CCDC66: variants seen among roughly 807,000 people sequenced by gnomAD.
The protein encoded by CCDC66 is coiled-coil domain-containing protein 66.
CCDC66 carries 133 observed loss-of-function variants against 128.3 expected under a neutral mutation model. That is an observed-to-expected ratio of 1.04 (90% CI 0.90 to 1.20). The LOEUF is 1.20. CCDC66 is among the 50% of genes most tolerant of loss of function. The pLI is 0.00. For synonymous variants in CCDC66, 387 were observed against 357.0 expected, an observed-to-expected ratio of 1.08 and a Z score of -0.95; for missense variants, 1,126 against 1,075.5, an observed-to-expected ratio of 1.05 and a Z score of -0.66.
At chr3:56,594,995 G>C (rs1036344313) in intron 10 of CCDC66, among the ~76,000 whole-genome samples, 2 of 152,054 alleles carry the variant, frequency 1.3e-5, no homozygotes, top group Non-Finnish European at 2.9e-5. Flanking sequence ...AGTACAAATG[G>C]GAGATGGGAG....
chr3:56,559,516 C>T (rs1318324914), intron 2 of CCDC66, 53 bp from the exon 3 acceptor site: 1 of 1,225,540 alleles, frequency 8.2e-7, no homozygotes, highest in Non-Finnish European at 1.1e-6. Context: ...CTTGCATTAC[C>T]ACCTTAGTAT....
chr3:56,591,847 G>C (rs1281785073), intron 7 of CCDC66, among the ~76,000 whole-genome samples: 1 of 152,160 alleles, frequency 6.6e-6, no homozygotes, highest in Non-Finnish European at 1.5e-5. Flanking sequence ...AAAAACAAGG[G>C]AAGAAAGTAA....
At chr3:56,606,056 G>A (rs1456380131) in intron 10 of CCDC66, among the ~76,000 whole-genome samples, 2 of 152,034 alleles carry the variant, frequency 1.3e-5, no homozygotes, top group African/African-American at 2.4e-5. Flanking sequence ...CTTCCAGGCC[G>A]CTTTGTTTAC....
At chr3:56,569,406 C>A in intron 6 of CCDC66, 1 of 270,018 alleles carries the variant, frequency 3.7e-6, no homozygotes, top group Non-Finnish European at 7.8e-6. Context: ...AAAGGGGGAG[C>A]AGGCATTTTA....
intron 15 of CCDC66, 193 bp downstream of exon 15, chr3:56,618,405 T>A (rs537135350): frequency 1.9e-6 from 1 of 533,960 alleles, no homozygotes; most frequent in Admixed American, 3.3e-5. Context: ...CAAGTTGGAC[T>A]GGGCCTAGGC....
rs75781206 is a variant in CCDC66, at chr3:56,589,501, A to G, written c.937-3469A>G. Among the ~76,000 whole-genome samples the G allele has an allele frequency of 7.3e-3, 1,112 of 152,302 alleles. 14 individuals carry two copies. The highest frequency in any genetic ancestry group is 0.025 in the African/African-American group (1,034 of 41,574). On this transcript the variant is annotated intron_variant, in intron 7 of 17. Transcript: ENST00000394672. ...CAAGAAAGAATAATAAATCATGATG[A>G]GTTGGGTCTATTCAATGAATGAAAG...
Position 56,621,575 on chromosome 3 carries a change from C to A in CCDC66, c.2804C>A (p.Pro935His), listed in dbSNP as rs1170835162. The A allele has an allele frequency of 5.0e-6, 8 of 1,601,932 alleles. No homozygotes were observed. Among genetic ancestry groups the A allele is most frequent in the African/African-American group, 1.3e-5 (1 of 74,462 alleles). ...KQKELESSLL[P>H]LAENQEESFG... Reference sequence around the variant, plus strand: ...AAGGAGTTGGAAAGTAGTCTCCTGCCTTTAGCTGAAAATCAAGAAGAGAGT... The same window carrying A: ...AAGGAGTTGGAAAGTAGTCTCCTGCATTTAGCTGAAAATCAAGAAGAGAGT... Residue 935 changes from proline (P) to histidine (H), a missense_variant, in exon 18 of 18, where the codon CCT becomes CAT. Physicochemically the swap from Pro to His is moderately conservative, Grantham distance 77. Coordinates refer to ENST00000394672, the MANE Select transcript of CCDC66 (RefSeq NM_001141947.3).
At chr3:56,598,144 GTTTTGTTTT>G (rs1559716932) in intron 10 of CCDC66, among the ~76,000 whole-genome samples, 2 of 37,830 alleles carry the variant, frequency 5.3e-5, no homozygotes, top group Non-Finnish European at 9.2e-5. Flanking sequence ...AGTTTGTTTT[GTTTTGTTTT>G]GTTTGTTTGT....
intron 10 of CCDC66, among the ~76,000 whole-genome samples, chr3:56,596,818 G>A (rs1392912043): frequency 1.4e-5 from 2 of 142,770 alleles, no homozygotes; most frequent in Non-Finnish European, 1.5e-5. Flanking sequence ...ATGCAGTGAC[G>A]TGATCAGCTC....
At chr3:56,599,747 T>G (rs1348555627) in intron 10 of CCDC66, among the ~76,000 whole-genome samples, 1 of 152,130 alleles carries the variant, frequency 6.6e-6, no homozygotes, top group Non-Finnish European at 1.5e-5. Context: ...GAGAAGATAC[T>G]TGATATGAAG....
At chr3:56,565,830 CTAA>C (rs1463699962) in intron 4 of CCDC66, among the ~76,000 whole-genome samples, 1 of 149,538 alleles carries the variant, frequency 6.7e-6, no homozygotes, top group Non-Finnish European at 1.5e-5. Flanking sequence ...CCACGCCCGG[CTAA>C]TGTTTTGTAT....
intron 10 of CCDC66, among the ~76,000 whole-genome samples, chr3:56,607,333 A>T (rs939352446): frequency 6.6e-6 from 1 of 152,064 alleles, no homozygotes; most frequent in Non-Finnish European, 1.5e-5. Flanking sequence ...AGCGTTTTGT[A>T]GTTTTCCTTA....
Position 56,580,841 on chromosome 3 carries a change from C to T in CCDC66, c.936+9539C>T, listed in dbSNP as rs146331846. Reference sequence around the variant, plus strand: ...GACCTTTCTCTCTGGCTGCCCTTAACATTTTTTCCTTCTTTCAACTTTGGT... The same window carrying T: ...GACCTTTCTCTCTGGCTGCCCTTAATATTTTTTCCTTCTTTCAACTTTGGT... On this transcript the variant is annotated intron_variant, in intron 7 of 17. Coordinates refer to ENST00000394672, the MANE Select transcript of CCDC66 (RefSeq NM_001141947.3). Among the ~76,000 whole-genome samples the T allele has an allele frequency of 5.1e-3, 777 of 151,902 alleles. 7 individuals carry two copies. Among genetic ancestry groups the T allele is most frequent in the African/African-American group, 0.017 (696 of 41,528 alleles).
At chr3:56,598,099 G>C (rs934625756) in intron 10 of CCDC66, among the ~76,000 whole-genome samples, 1 of 151,442 alleles carries the variant, frequency 6.6e-6, no homozygotes, top group Admixed American at 6.6e-5. Flanking sequence ...TAAGATATAA[G>C]ATGATAACAT....
In CCDC66 at chr3:56,567,145, A is replaced by G. The variant is rs1444544788; in HGVS notation, c.814+92A>G. On this transcript the variant is annotated intron_variant, in intron 6 of 17. Coordinates refer to ENST00000394672, the MANE Select transcript of CCDC66 (RefSeq NM_001141947.3). ...GGTGGCTCACACCTGTAATACCAGCACTTTGGGAAGCCGAGGTGGGTGGAT... is the reference window on the plus strand; with the variant it reads ...GGTGGCTCACACCTGTAATACCAGCGCTTTGGGAAGCCGAGGTGGGTGGAT... The G allele has an allele frequency of 7.5e-6, 7 of 931,820 alleles. No homozygotes were observed. In the Admixed American group the frequency reaches 1.4e-4, roughly 19 times the overall value. The allele number at this position is 931,820 out of a possible 1,614,324, so 57.7% of individuals were successfully genotyped here.
At chr3:56,584,135 G>A (rs2069029270) in intron 7 of CCDC66, among the ~76,000 whole-genome samples, 1 of 147,826 alleles carries the variant, frequency 6.8e-6, no homozygotes, top group Admixed American at 6.8e-5. Context: ...CTCCCGGACG[G>A]GGCGGCTGGC....
At chr3:56,568,805 T>G (rs1243385528) in intron 6 of CCDC66, among the ~76,000 whole-genome samples, 2 of 152,230 alleles carry the variant, frequency 1.3e-5, no homozygotes, top group African/African-American at 2.4e-5. Flanking sequence ...TTGGACCTTA[T>G]AACAGAAAAA....
At chr3:56,587,880 A>G (rs2070095829) in intron 7 of CCDC66, among the ~76,000 whole-genome samples, 1 of 152,174 alleles carries the variant, frequency 6.6e-6, no homozygotes, top group South Asian at 2.1e-4. Context: ...ATAAAAGTAA[A>G]ATAAAAATAA....
At position 56,617,349 on chromosome 3, in the gene CCDC66, T is replaced by C; in HGVS notation, c.2081T>C (p.Met694Thr). 6.2e-7 allele frequency: 1 copy of C among 1,612,662 alleles called. No individual in the cohort carries two copies. The highest frequency in any genetic ancestry group is 8.5e-7 in the Non-Finnish European group (1 of 1,179,744). ...AGAATAGAGAAACAAACAAAACACA[T>C]GAAGAAATATCCTAAAAGGCCTGAT... is the stretch of plus-strand genomic sequence containing the variant. ...FTRIEKQTKH[M>T]KKYPKRPDWN... Residue 694 changes from methionine to threonine, a missense_variant, in exon 14 of 18, where the codon ATG (methionine) becomes ACG (threonine). Transcript: ENST00000394672.
Sources: allele counts gnomAD v4.1 joint callset (sites outside exome capture counted in the v4.1 genomes callset), GRCh38; gene constraint gnomAD v4.1.1; transcripts MANE v1.5; gene names NCBI Gene and HGNC (gene_info 2026-07-23, HGNC 2026-07-21).